MCCC2: variants seen among roughly 807,000 people sequenced by gnomAD.
The protein encoded by MCCC2 is methylcrotonoyl-CoA carboxylase beta chain, mitochondrial.
A neutral mutation model predicts 77.2 loss-of-function variants in MCCC2; 52 were observed. The observed-to-expected ratio is 0.67, with a 90% CI of 0.54 to 0.85. MCCC2 has a LOEUF of 0.85. Ranked by LOEUF, MCCC2 falls within the 40% of genes least tolerant of loss-of-function variation. The pLI, the probability that MCCC2 is intolerant of heterozygous loss-of-function variation, is 0.00. For synonymous variants in MCCC2, 253 were observed against 248.4 expected (o/e 1.02, Z -0.18); for missense variants, 682 against 703.2 (o/e 0.97, Z 0.34).
At chr5:71,599,864 T>C in intron 4 of MCCC2, 104 bp downstream of exon 4, 1 of 917,220 alleles carries the variant, frequency 1.1e-6, no homozygotes, top group South Asian at 1.4e-5. Flanking sequence ...ATTTGTATGC[T>C]ATTTATATTA....
rs189132076 is a variant in MCCC2 at position 71,632,840 on chromosome 5, A to G, written c.803+655A>G. ...GCTTCGTCACATTGTTGGCCTGACC[A>G]TGTTAGGTTAGAGTGCAGGGGTAAG... On this transcript the variant is annotated intron_variant, in intron 8 of 16. Coordinates refer to ENST00000340941, the MANE Select transcript of MCCC2 (RefSeq NM_022132.5). Among the ~76,000 whole-genome samples the G allele has an allele frequency of 2.4e-3, 372 of 152,128 alleles. 2 individuals carry two copies. The highest frequency in any genetic ancestry group is 8.0e-3 in the African/African-American group (332 of 41,464).
intron 2 of MCCC2, 114 bp from the exon 3 acceptor site, chr5:71,596,166 G>A (rs1745178430): frequency 1.1e-6 from 1 of 924,974 alleles, no homozygotes; most frequent in East Asian, 2.4e-5. Flanking sequence ...TTTCTCAGAG[G>A]ATATGTTGAA....
rs370484521 is a variant in MCCC2, at chr5:71,591,697, A to G, written c.130-1229A>G. Among the ~76,000 whole-genome samples the G allele has an allele frequency of 5.3e-5, 8 of 152,002 alleles. No homozygotes were observed. The South Asian group carries it at 1.0e-3, about 20-fold the overall frequency. On this transcript the variant is annotated intron_variant, in intron 1 of 16. Transcript: ENST00000340941. ...GGTGATCTGCCCGCCTCGGCCTCCC[A>G]AAGTGCTGAGATTACAGGCGTGAGC...
intron 4 of MCCC2, among the ~76,000 whole-genome samples, chr5:71,601,224 G>C (rs1347864309): frequency 6.6e-6 from 1 of 152,166 alleles, no homozygotes; most frequent in Non-Finnish European, 1.5e-5. Context: ...ATATGGCTAT[G>C]TCCCTTGTCC....
chr5:71,610,413 G>A (rs980339173), intron 6 of MCCC2, among the ~76,000 whole-genome samples: 4 of 152,260 alleles, frequency 2.6e-5, no homozygotes, highest in East Asian at 1.9e-4. Flanking sequence ...GCAATGCCTC[G>A]CCCTGCTTCG....
At chr5:71,643,295 A>T (rs1343180085) in intron 11 of MCCC2, among the ~76,000 whole-genome samples, 1 of 151,488 alleles carries the variant, frequency 6.6e-6, no homozygotes, top group Non-Finnish European at 1.5e-5. Flanking sequence ...GGTAAGAGGG[A>T]GGATCACTTG....
chr5:71,601,004 G>A (rs1163122432), intron 4 of MCCC2, among the ~76,000 whole-genome samples: 2 of 152,212 alleles, frequency 1.3e-5, no homozygotes, highest in African/African-American at 2.4e-5. Flanking sequence ...CCTGGTCCCT[G>A]TGCCCCCCTT....
At chr5:71,639,720 GC>G (rs1747056160) in intron 10 of MCCC2, among the ~76,000 whole-genome samples, 1 of 152,178 alleles carries the variant, frequency 6.6e-6, no homozygotes, top group South Asian at 2.1e-4. Flanking sequence ...TGCCCTTTGA[GC>G]AGCCGTATCT....
chr5:71,645,730 G>T (rs1245403927), intron 12 of MCCC2, among the ~76,000 whole-genome samples: 1 of 152,206 alleles, frequency 6.6e-6, no homozygotes, highest in Non-Finnish European at 1.5e-5. Flanking sequence ...TACAGTGTTA[G>T]TGATTGACCT....
At chr5:71,605,905 G>C (rs989306822) in intron 6 of MCCC2, among the ~76,000 whole-genome samples, 1 of 152,116 alleles carries the variant, frequency 6.6e-6, no homozygotes, top group African/African-American at 2.4e-5. Context: ...CGTTATTTCT[G>C]AGGGCTCTGT....
chr5:71,610,789 A>G (rs1001454645), intron 6 of MCCC2, among the ~76,000 whole-genome samples: 1 of 151,048 alleles, frequency 6.6e-6, no homozygotes, highest in South Asian at 2.1e-4. Flanking sequence ...GATCGAGACT[A>G]TCCTGGCTAA....
intron 7 of MCCC2, among the ~76,000 whole-genome samples, chr5:71,629,793 G>A (rs1382495425): frequency 6.6e-6 from 1 of 151,252 alleles, no homozygotes; most frequent in Non-Finnish European, 1.5e-5. Flanking sequence ...TCTCTTGTAT[G>A]TGATAGCTGT....
At chr5:71,631,357 G>T (rs1041755038) in intron 7 of MCCC2, among the ~76,000 whole-genome samples, 4 of 152,116 alleles carry the variant, frequency 2.6e-5, no homozygotes, top group Non-Finnish European at 5.9e-5. Flanking sequence ...GGCGGGTCAG[G>T]AAAGCTGTGT....
In MCCC2 at chr5:71,635,407, G is replaced by A. The variant is rs2270921; in HGVS notation, c.999+161G>A. 322 of 727,206 alleles carry A rather than the reference G, an allele frequency of 4.4e-4. 4 individuals carry two copies. In the East Asian group the frequency reaches 8.5e-3, roughly 19 times the overall value. The allele number at this position is 727,206 out of a possible 1,614,324, so 45.0% of individuals were successfully genotyped here. On this transcript the variant is annotated intron_variant, in intron 10 of 16. Coordinates refer to ENST00000340941, the MANE Select transcript of MCCC2 (RefSeq NM_022132.5). ...TGTGGCAATGATACCTTTCCATACT[G>A]TGGATATCATTGGCACAGAGTAAAT...
chr5:71,633,091 T>TTTTA (rs1172020093), intron 8 of MCCC2, among the ~76,000 whole-genome samples: 44 of 84,242 alleles, frequency 5.2e-4, no homozygotes, highest in African/African-American at 2.2e-3. Context: ...TTTTTCAGTT[T>TTTTA]TATATATATA....
At chr5:71,616,988 T>C (rs1746175110) in intron 6 of MCCC2, among the ~76,000 whole-genome samples, 1 of 152,206 alleles carries the variant, frequency 6.6e-6, no homozygotes, top group South Asian at 2.1e-4. Context: ...TCCCATACAG[T>C]GGACACATGC....
chr5:71,649,297 G>T, intron 14 of MCCC2, 44 bp downstream of exon 14: 5 of 1,557,542 alleles, frequency 3.2e-6, no homozygotes, highest in Non-Finnish European at 4.4e-6. Context: ...CATGCTTCAA[G>T]TATAAAATAC....
intron 6 of MCCC2, among the ~76,000 whole-genome samples, chr5:71,613,062 C>T (rs866609660): frequency 2.4e-4 from 36 of 152,152 alleles, no homozygotes; most frequent in African/African-American, 8.2e-4. Flanking sequence ...TTCACGTGAC[C>T]TTCTCTGGGT....
At chr5:71,644,717 G>A (rs896254768) in intron 12 of MCCC2, among the ~76,000 whole-genome samples, 1 of 151,910 alleles carries the variant, frequency 6.6e-6, no homozygotes, top group Non-Finnish European at 1.5e-5. Context: ...GAAATAACAG[G>A]GTAAAAGTTC....
Sources: allele counts gnomAD v4.1 joint callset (sites outside exome capture counted in the v4.1 genomes callset), GRCh38; gene constraint gnomAD v4.1.1; transcripts MANE v1.5; gene names NCBI Gene and HGNC (gene_info 2026-07-23, HGNC 2026-07-21).